SDK2: variants seen among roughly 807,000 people sequenced by gnomAD.
SDK2 encodes the protein protein sidekick-2.
Under a neutral mutation model 253.9 loss-of-function variants are expected in SDK2, and 105 were observed. The observed-to-expected ratio is 0.41, with a 90% CI of 0.35 to 0.49. The LOEUF (loss-of-function observed/expected upper bound fraction) is 0.49. Ranked by LOEUF, SDK2 falls within the 20% of genes least tolerant of loss-of-function variation. SDK2 has a pLI of 0.06. For missense variants in SDK2, 2,608 were observed against 3,003.0 expected (o/e 0.87, Z 3.07); for synonymous variants, 1,249 against 1,234.9 (o/e 1.01, Z -0.24).
In SDK2 at chr17:73,423,936, G is replaced by T; in HGVS notation, c.1740C>A (p.Arg580=). The T allele has an allele frequency of 6.3e-7, 1 of 1,590,130 alleles. No individual in the cohort carries two copies. The highest frequency in any genetic ancestry group is 8.6e-7 in the Non-Finnish European group (1 of 1,168,642). The change falls in exon 13 of 45, where the codon CGC becomes CGA. Residue 580 remains arginine (R), a synonymous_variant. Coordinates refer to ENST00000392650, the MANE Select transcript of SDK2 (RefSeq NM_001144952.2). ...CTTACCTGACTCGCAGGTGGGCACT[G>T]CGAGAGTCGTTGCCTCCTGCTGAGA... ...RVISAGGNDS[R]SAHLRVRQLP...
intron 1 of SDK2, among the ~76,000 whole-genome samples, chr17:73,590,206 G>T (rs928639393): frequency 1.1e-4 from 17 of 152,346 alleles, no homozygotes; most frequent in African/African-American, 3.8e-4. Flanking sequence ...TGTCTGCAGG[G>T]TGGATGGAAA....
rs1339978824 is a variant in SDK2, at chr17:73,621,007, CAT to C, written c.64+23016_64+23017del. 3.3e-5 allele frequency among the ~76,000 whole-genome samples: 5 copies of C among 152,184 alleles called. No homozygotes were observed. In the East Asian group the frequency reaches 9.6e-4, roughly 29 times the overall value. On this transcript the variant is annotated intron_variant, in intron 1 of 44. Transcript: ENST00000392650. The stretch of plus-strand genomic sequence containing the variant: ...CATTTTATAATGGTTAATTTTATGT[CAT>C]GTGAATTTCACCTCAATTACAACAT...
chr17:73,588,159 G>T (rs1045456545), intron 1 of SDK2, among the ~76,000 whole-genome samples: 1 of 151,640 alleles, frequency 6.6e-6, no homozygotes, highest in Non-Finnish European at 1.5e-5. Context: ...GATCACCTGG[G>T]GTCAGGAGTT....
rs572388239 is a variant in SDK2, at chr17:73,599,810, C to T, written c.64+44215G>A. ...CCAGGCCCAACCTGTTCCCCACTTG[C>T]AGGGAGCTCAGCCAGTGGTCTCTGA... On this transcript the variant is annotated intron_variant, in intron 1 of 44. Transcript: ENST00000392650. Among the ~76,000 whole-genome samples, 6 of 152,296 alleles carry T rather than the reference C, an allele frequency of 3.9e-5. No homozygotes were observed. The South Asian group carries it at 1.2e-3, about 32-fold the overall frequency.
intron 9 of SDK2, among the ~76,000 whole-genome samples, chr17:73,434,141 C>T (rs543975403): frequency 5.9e-5 from 9 of 152,306 alleles, no homozygotes; most frequent in Admixed American, 5.9e-4. Context: ...AACTGAAGAC[C>T]CCAGGAGGCA....
rs1308066359 is a variant in SDK2, at chr17:73,336,087, T to G, written c.*2500A>C. ...TGCTTCCTCCCAAATAATCCCTCAC[T>G]GGGCTGGGCTTAAATAATTCCCTAA... On this transcript the variant is annotated 3_prime_UTR_variant, in exon 45 of 45. Transcript: ENST00000392650. 6.6e-6 allele frequency: 1 copy of G among 151,350 alleles called. No individual in the cohort carries two copies. 9.4% of individuals were successfully genotyped at this position (151,350 alleles called of 1,614,324 possible).
intron 2 of SDK2, among the ~76,000 whole-genome samples, chr17:73,474,144 G>C (rs1037774977): frequency 6.6e-6 from 1 of 152,150 alleles, no homozygotes; most frequent in Non-Finnish European, 1.5e-5. Flanking sequence ...TAGGATTACA[G>C]GCATGAGCCA....
At chr17:73,494,151 C>T (rs77549604) in intron 2 of SDK2, among the ~76,000 whole-genome samples, 2,786 of 152,250 alleles carry the variant, frequency 0.018, 64 homozygotes, top group African/African-American at 0.058. Context: ...CCTCTGATCA[C>T]GCCAGGATGC....
At position 73,442,954 on chromosome 17, in the gene SDK2, G is replaced by A. The variant is rs573806533; in HGVS notation, c.614-2031C>T. ...CATCTTGATGGGTCAGTGTAGGCCC[G>A]ATATTGGCATAAACTCCAATATTCT... On this transcript the variant is annotated intron_variant, in intron 5 of 44. Coordinates refer to ENST00000392650, the MANE Select transcript of SDK2 (RefSeq NM_001144952.2). Among the ~76,000 whole-genome samples, 10 of 151,788 alleles carry A rather than the reference G, an allele frequency of 6.6e-5. 1 individual carries two copies. Among genetic ancestry groups the A allele is most frequent in the Admixed American group, 3.3e-4 (5 of 15,264 alleles).
intron 2 of SDK2, among the ~76,000 whole-genome samples, chr17:73,497,308 C>G (rs1488192530): frequency 1.3e-5 from 2 of 152,176 alleles, no homozygotes; most frequent in Non-Finnish European, 2.9e-5. Flanking sequence ...TTCCCCTCTC[C>G]CATCCAGCCT....
chr17:73,554,616 T>C (rs2045115195), intron 1 of SDK2, among the ~76,000 whole-genome samples: 1 of 152,110 alleles, frequency 6.6e-6, no homozygotes, highest in Admixed American at 6.5e-5. Context: ...TGTGAGAAAA[T>C]GAATTTCCAT....
chr17:73,378,950 A>T (rs73345934), intron 36 of SDK2, among the ~76,000 whole-genome samples: 28,178 of 152,048 alleles, frequency 0.19, 4,912 homozygotes, highest in African/African-American at 0.46. Flanking sequence ...GCCCTCAGGA[A>T]GCTGGAGGGG....
intron 1 of SDK2, among the ~76,000 whole-genome samples, chr17:73,539,531 G>A (rs1217230036): frequency 6.6e-6 from 1 of 151,938 alleles, no homozygotes. Context: ...GCAAAAGCAC[G>A]GCTAGGGTTC....
rs533011361 is a variant in SDK2 at position 73,447,516 on chromosome 17, C to T, written c.613+99G>A. ...GGCCGTCCCCTAGCTTCCCTGTCCCCCTCCTCTGCCACTCCATCTTCCCAA... is the reference window on the plus strand; with the variant it reads ...GGCCGTCCCCTAGCTTCCCTGTCCCTCTCCTCTGCCACTCCATCTTCCCAA... On this transcript the variant is annotated intron_variant, in intron 5 of 44. Transcript: ENST00000392650. The surrounding 1 kb of genome is among the most constrained non-coding windows in gnomAD (Gnocchi z 4.0). 3,218 of 1,495,060 alleles carry T rather than the reference C, an allele frequency of 2.2e-3. 21 individuals are homozygous for T. The highest frequency in any genetic ancestry group is 0.014 in the South Asian group (1,070 of 77,276). 92.6% of individuals were successfully genotyped at this position (1,495,060 alleles called of 1,614,324 possible).
Position 73,431,630 on chromosome 17 carries a change from C to G in SDK2, c.1352G>C (p.Arg451Pro). The change falls in exon 11 of 45, where the codon CGC (arginine) becomes CCC (proline). Residue 451 changes from arginine to proline, a missense_variant. By Grantham distance (103) the Arg-to-Pro change is moderately radical. Around this residue, in one of 2 missense-constraint regions of SDK2, gnomAD observed 1,505 missense variants for 1,859.1 expected, o/e 0.81. Coordinates refer to ENST00000392650, the MANE Select transcript of SDK2 (RefSeq NM_001144952.2). The surrounding 1 kb of genome is among the most constrained non-coding windows in gnomAD (Gnocchi z 5.6). Reference protein sequence around the residue: ...ILASGSVQLPRFTPLESGSLL... With the variant: ...ILASGSVQLPPFTPLESGSLL... Reference sequence around the variant, plus strand: ...GCTGCCCGACTCCAGGGGTGTGAAGCGAGGCAGCTGCACAGAGCCACTGGC... The same window carrying G: ...GCTGCCCGACTCCAGGGGTGTGAAGGGAGGCAGCTGCACAGAGCCACTGGC... The G allele has an allele frequency of 6.2e-7, 1 of 1,612,728 alleles. No homozygotes were observed. Among genetic ancestry groups the G allele is most frequent in the Non-Finnish European group, 8.5e-7 (1 of 1,179,412 alleles).
chr17:73,384,157 AT>A, intron 32 of SDK2, 146 bp from the exon 33 acceptor site: 1 of 961,190 alleles, frequency 1.0e-6, no homozygotes, highest in Non-Finnish European at 1.5e-6. Flanking sequence ...GGCATTTTAA[AT>A]TTACAAAGCA....
At chr17:73,525,606 T>C (rs895404672) in intron 1 of SDK2, among the ~76,000 whole-genome samples, 1 of 152,110 alleles carries the variant, frequency 6.6e-6, no homozygotes, top group Non-Finnish European at 1.5e-5. Flanking sequence ...CTCTCCTCAC[T>C]GCACCACCAC....
chr17:73,499,497 T>G (rs1166548780), intron 2 of SDK2, among the ~76,000 whole-genome samples: 1 of 152,216 alleles, frequency 6.6e-6, no homozygotes, highest in Non-Finnish European at 1.5e-5. Context: ...GGGGTGGGAC[T>G]CGGCCTCAGC....
chr17:73,475,665 G>A (rs1429500667), intron 2 of SDK2, among the ~76,000 whole-genome samples: 1 of 152,238 alleles, frequency 6.6e-6, no homozygotes, highest in African/African-American at 2.4e-5. Context: ...AAGACACAGA[G>A]CATGGAAAGA....
Sources: gnomAD v4.1 joint callset for allele counts (sites outside exome capture counted in the v4.1 genomes callset) on GRCh38, gnomAD v4.1.1 for gene constraint, gnomAD v4.1.1 regional missense constraint, Gnocchi (gnomAD v3.1) non-coding constraint, MANE v1.5 for transcripts, NCBI Gene and HGNC (gene_info 2026-07-23, HGNC 2026-07-21) for gene names.